Variants in FIG4 observed in about 807,000 individuals in gnomAD.
FIG4 encodes the protein polyphosphoinositide phosphatase.
FIG4 carries 112 observed loss-of-function variants against 118.6 expected under a neutral mutation model. The observed-to-expected ratio is 0.94, with a 90% CI of 0.81 to 1.11. FIG4 has a LOEUF of 1.11. FIG4 is among the 50% of genes least tolerant of loss of function. The pLI is 0.00. For synonymous variants in FIG4, 369 were observed against 381.2 expected (o/e 0.97, Z 0.37); for missense variants, 969 against 1,111.7 (o/e 0.87, Z 1.83).
chr6:109,785,862 A>T (rs1367630854), intron 17 of FIG4: 9 of 358,858 alleles, frequency 2.5e-5, no homozygotes, highest in Non-Finnish European at 5.2e-5. Flanking sequence ...ATCATTACTC[A>T]TATTGCTGAA....
At chr6:109,716,599 C>A in intron 3 of FIG4, 31 bp downstream of exon 3, 1 of 1,612,566 alleles carries the variant, frequency 6.2e-7, no homozygotes, top group Non-Finnish European at 8.5e-7. Flanking sequence ...CTTACAATCT[C>A]TTGTTTTTTG....
chr6:109,816,937 C>T (rs548864981), intron 22 of FIG4, among the ~76,000 whole-genome samples: 2 of 152,294 alleles, frequency 1.3e-5, no homozygotes, highest in Admixed American at 6.5e-5. Flanking sequence ...TCTGAGTTTC[C>T]AGGAGTGACA....
At chr6:109,702,364 A>G (rs886592561) in intron 1 of FIG4, among the ~76,000 whole-genome samples, 3 of 152,246 alleles carry the variant, frequency 2.0e-5, no homozygotes, top group Non-Finnish European at 4.4e-5. Flanking sequence ...TATTAAAGCT[A>G]TATTGAAATT....
chr6:109,768,459 G>A (rs1240666037), intron 15 of FIG4, among the ~76,000 whole-genome samples: 2 of 152,294 alleles, frequency 1.3e-5, no homozygotes, highest in East Asian at 3.9e-4. Context: ...TGTAACAAAT[G>A]ACTGTAAATG....
intron 4 of FIG4, among the ~76,000 whole-genome samples, chr6:109,727,985 A>G (rs1775871999): frequency 6.6e-6 from 1 of 152,212 alleles, no homozygotes; most frequent in African/African-American, 2.4e-5. Context: ...AAGTGCATGT[A>G]CTTGTACACA....
chr6:109,805,621 T>A (rs977712750), intron 22 of FIG4, among the ~76,000 whole-genome samples: 2 of 152,202 alleles, frequency 1.3e-5, no homozygotes, highest in Non-Finnish European at 2.9e-5. Context: ...CCTAATTAAA[T>A]CCTGAAATGT....
intron 1 of FIG4, 139 bp from the exon 2 acceptor site, chr6:109,714,939 C>T: frequency 1.7e-6 from 1 of 571,580 alleles, no homozygotes; most frequent in South Asian, 2.3e-5. Flanking sequence ...TTTAATCTGC[C>T]AGTTATACAT....
chr6:109,785,267 T>TA (rs1777919412), intron 17 of FIG4, among the ~76,000 whole-genome samples: 2 of 152,224 alleles, frequency 1.3e-5, no homozygotes, highest in Non-Finnish European at 2.9e-5. Flanking sequence ...TATTGTGTCT[T>TA]ACAATTATTA....
chr6:109,815,496 C>CGGGGGGGGGGGG (rs58181285), intron 22 of FIG4, among the ~76,000 whole-genome samples: 3 of 106,520 alleles, frequency 2.8e-5, no homozygotes, highest in South Asian at 5.8e-4. Flanking sequence ...CTCCAGGCTG[C>CGGGGGGGGGGGG]CCCCCCCACC....
chr6:109,802,801 A>G (rs1778459010), intron 22 of FIG4, among the ~76,000 whole-genome samples: 1 of 152,246 alleles, frequency 6.6e-6, no homozygotes, highest in African/African-American at 2.4e-5. Flanking sequence ...GGCCTTGGAA[A>G]ATAGGCTTCC....
chr6:109,795,252 C>T (rs1778253527), intron 21 of FIG4, among the ~76,000 whole-genome samples: 1 of 151,640 alleles, frequency 6.6e-6, no homozygotes, highest in African/African-American at 2.4e-5. Flanking sequence ...AGCCTCCCGA[C>T]ACTTGCCAGT....
At chr6:109,754,063 A>G (rs1314008393) in intron 10 of FIG4, among the ~76,000 whole-genome samples, 1 of 152,192 alleles carries the variant, frequency 6.6e-6, no homozygotes, top group African/African-American at 2.4e-5. Context: ...TCAGTATGAT[A>G]TTGGCTGTGG....
chr6:109,815,925 A>G (rs1165951958), intron 22 of FIG4, among the ~76,000 whole-genome samples: 1 of 152,032 alleles, frequency 6.6e-6, no homozygotes, highest in East Asian at 1.9e-4. Flanking sequence ...CCACATTTAT[A>G]CTTTTATTTA....
At chr6:109,766,195 G>C (rs183315308) in intron 14 of FIG4, among the ~76,000 whole-genome samples, 193 of 152,286 alleles carry the variant, frequency 1.3e-3, no homozygotes, top group Admixed American at 3.5e-3. Context: ...ACAGTGAGAA[G>C]ACCATCTGTG....
At chr6:109,733,636 C>T (rs1354550975) in intron 5 of FIG4, among the ~76,000 whole-genome samples, 1 of 151,866 alleles carries the variant, frequency 6.6e-6, no homozygotes, top group Non-Finnish European at 1.5e-5. Flanking sequence ...TTGATGCAAA[C>T]CTGAAGGAAG....
intron 22 of FIG4, among the ~76,000 whole-genome samples, chr6:109,822,378 G>A (rs1458917228): frequency 6.6e-6 from 1 of 152,098 alleles, no homozygotes; most frequent in Non-Finnish European, 1.5e-5. Flanking sequence ...AAAGTGAAAA[G>A]CACTGGTAAA....
intron 16 of FIG4, among the ~76,000 whole-genome samples, chr6:109,781,779 T>TTTTTTTTTTTTTTTTTTTGAG (rs1554307140): frequency 2.1e-5 from 3 of 145,874 alleles, no homozygotes; most frequent in Non-Finnish European, 3.1e-5. Flanking sequence ...TCTTCAGATT[T>TTTTTTTTTTTTTTTTTTTGAG]AATCAGTTGA....
intron 14 of FIG4, among the ~76,000 whole-genome samples, chr6:109,765,402 G>A (rs1777252854): frequency 6.6e-6 from 1 of 151,978 alleles, no homozygotes; most frequent in Non-Finnish European, 1.5e-5. Context: ...TAAGAGACGG[G>A]TTCAGTTTCA....
Position 109,702,814 on chromosome 6 carries a change from C to T in FIG4, c.66+11313C>T, listed in dbSNP as rs140103074. On this transcript the variant is annotated intron_variant, in intron 1 of 22. Transcript: ENST00000230124. ...TACTACAAATTTGTAATAAATTGAA[C>T]CCTGACTTTCCCCTAGATGTAAAAA... 2.9e-3 allele frequency among the ~76,000 whole-genome samples: 449 copies of T among 152,258 alleles called. 4 individuals are homozygous for T. Among genetic ancestry groups the T allele is most frequent in the African/African-American group, 9.8e-3 (407 of 41,552 alleles).
Sources: allele counts gnomAD v4.1 joint callset (sites outside exome capture counted in the v4.1 genomes callset), GRCh38; gene constraint gnomAD v4.1.1; transcripts MANE v1.5; gene names NCBI Gene and HGNC (gene_info 2026-07-23, HGNC 2026-07-21).